Variants in MAP2K5 observed in about 807,000 individuals in gnomAD.
The protein encoded by MAP2K5 is mitogen-activated protein kinase kinase 5, also known as dual specificity mitogen-activated protein kinase kinase 5.
Under a neutral mutation model 83.1 loss-of-function variants are expected in MAP2K5, and 49 were observed. The observed-to-expected ratio is 0.59, with a 90% confidence interval of 0.47 to 0.75. The LOEUF is 0.75. Among genes scored for constraint, MAP2K5 ranks in the 30% least tolerant of loss-of-function variants. The pLI is 0.00. For synonymous variants in MAP2K5, 202 were observed against 191.8 expected, an observed-to-expected ratio of 1.05 and a Z score of -0.44; for missense variants, 457 against 557.5, an observed-to-expected ratio of 0.82 and a Z score of 1.82.
At chr15:67,633,877 A>T (rs956647380) in intron 9 of MAP2K5, among the ~76,000 whole-genome samples, 2 of 152,218 alleles carry the variant, frequency 1.3e-5, no homozygotes, top group Non-Finnish European at 2.9e-5. Context: ...AAACAGGCAG[A>T]ATTTTTAATT....
intron 13 of MAP2K5, among the ~76,000 whole-genome samples, chr15:67,689,211 A>G (rs994001301): frequency 2.0e-5 from 3 of 152,214 alleles, no homozygotes; most frequent in African/African-American, 7.2e-5. Flanking sequence ...GCAACATAGC[A>G]AGACCCTGTC....
rs2140981206 is a variant in MAP2K5, at chr15:67,573,035, G to C, written c.253-7719G>C. ...TTAAAGCAAAATTAGGAATGCTTCT[G>C]TTTTCAAGATATTAGGGTATCAGGA... On this transcript the variant is annotated intron_variant, in intron 3 of 21. Transcript: ENST00000178640. This position sits in a 1 kb window ranked among gnomAD's most constrained non-coding sequence, Gnocchi z 4.2. 6.6e-6 allele frequency among the ~76,000 whole-genome samples: 1 copy of C among 152,256 alleles called. No individual in the cohort carries two copies. Among genetic ancestry groups the C allele is most frequent in the African/African-American group, 2.4e-5 (1 of 41,528 alleles).
intron 13 of MAP2K5, 33 bp from the exon 14 acceptor site, chr15:67,692,446 T>G: frequency 1.3e-6 from 2 of 1,496,614 alleles, no homozygotes; most frequent in Non-Finnish European, 1.9e-6. Context: ...ATACATGGAA[T>G]TAGTTACATG....
chr15:67,574,087 T>G (rs1235491738), intron 3 of MAP2K5, among the ~76,000 whole-genome samples: 1 of 152,206 alleles, frequency 6.6e-6, no homozygotes, highest in Non-Finnish European at 1.5e-5. Context: ...TGGCACGACA[T>G]CCAAGAACCA....
chr15:67,616,186 C>A (rs76424386), intron 8 of MAP2K5, among the ~76,000 whole-genome samples: 3 of 152,138 alleles, frequency 2.0e-5, no homozygotes, highest in African/African-American at 7.2e-5. Context: ...AAATGTCACA[C>A]AGAGCAAAGA....
At chr15:67,670,771 CAGAA>C (rs2087511748) in intron 13 of MAP2K5, among the ~76,000 whole-genome samples, 1 of 151,838 alleles carries the variant, frequency 6.6e-6, no homozygotes, top group African/African-American at 2.4e-5. Context: ...TCTACAATGC[CAGAA>C]AGAGAGAGAC....
chr15:67,703,300 T>G (rs758104310), intron 15 of MAP2K5, 37 bp from the exon 16 acceptor site: 3 of 1,485,268 alleles, frequency 2.0e-6, no homozygotes, highest in Non-Finnish European at 2.8e-6. Context: ...CTGAGTAGCA[T>G]CCGTCCACTC....
Position 67,565,778 on chromosome 15 carries a change from A to G in MAP2K5, c.252+2428A>G, listed in dbSNP as rs11630854. 6.6e-6 allele frequency among the ~76,000 whole-genome samples: 1 copy of G among 151,856 alleles called. No individual in the cohort carries two copies. The highest frequency in any genetic ancestry group is 6.6e-5 in the Admixed American group (1 of 15,236). Reference sequence around the variant, plus strand: ...ATCTATCTCATTGATGAGATAATTTAAAAAAATTTTTTGTAGAGATAGGGT... The same window carrying G: ...ATCTATCTCATTGATGAGATAATTTGAAAAAATTTTTTGTAGAGATAGGGT... On this transcript the variant is annotated intron_variant, in intron 3 of 21. Transcript: ENST00000178640. The surrounding 1 kb of genome is among the most constrained non-coding windows in gnomAD (Gnocchi z 4.1).
chr15:67,665,594 G>A lies in MAP2K5; in HGVS notation c.847+949G>A, dbSNP rs1345093856. On this transcript the variant is annotated intron_variant, in intron 13 of 21. Coordinates refer to ENST00000178640, the MANE Select transcript of MAP2K5 (RefSeq NM_145160.3). The surrounding 1 kb of genome is among the most constrained non-coding windows in gnomAD (Gnocchi z 4.2). ...CTAAGGGTTGTTTTCTTTTGTGGTG[G>A]TTTTAATATCCTAGTGATTCCACAT... Among the ~76,000 whole-genome samples, 1 of 152,132 alleles carries A rather than the reference G, an allele frequency of 6.6e-6. No homozygotes were observed. The highest frequency in any genetic ancestry group is 1.5e-5 in the Non-Finnish European group (1 of 67,998).
intron 13 of MAP2K5, among the ~76,000 whole-genome samples, chr15:67,673,928 A>G (rs911566232): frequency 9.2e-5 from 14 of 152,048 alleles, no homozygotes; most frequent in African/African-American, 3.4e-4. Context: ...GGCTCACTGC[A>G]ACCTCCACCT....
chr15:67,792,230 C>T (rs1378551430), intron 21 of MAP2K5, among the ~76,000 whole-genome samples: 1 of 152,192 alleles, frequency 6.6e-6, no homozygotes, highest in African/African-American at 2.4e-5. Context: ...AAAGACTGGA[C>T]CTTCTGGCTC....
intron 17 of MAP2K5, among the ~76,000 whole-genome samples, chr15:67,745,215 A>G (rs2089578179): frequency 1.3e-5 from 2 of 152,230 alleles, no homozygotes; most frequent in African/African-American, 4.8e-5. Flanking sequence ...GAGGGCTTGG[A>G]CAAGTTAGTT....
At chr15:67,629,076 C>T (rs2086398060) in intron 8 of MAP2K5, 2 of 738,248 alleles carry the variant, frequency 2.7e-6, no homozygotes, top group Non-Finnish European at 5.0e-6. Context: ...ACCATGAAAC[C>T]AAGGTGGCCA....
At chr15:67,631,335 T>A (rs2086468814) in intron 9 of MAP2K5, among the ~76,000 whole-genome samples, 1 of 152,212 alleles carries the variant, frequency 6.6e-6, no homozygotes, top group Admixed American at 6.5e-5. Flanking sequence ...TTCTTTCTAT[T>A]CCCATCCCCA....
At chr15:67,662,106 A>G (rs2087252942) in intron 12 of MAP2K5, among the ~76,000 whole-genome samples, 1 of 152,156 alleles carries the variant, frequency 6.6e-6, no homozygotes, top group African/African-American at 2.4e-5. Flanking sequence ...TTCTCTTAGA[A>G]TAGACAAACA....
rs914738245 is a variant in MAP2K5 at position 67,755,608 on chromosome 15, G to T, written c.1134+7007G>T. On this transcript the variant is annotated intron_variant, in intron 19 of 21. Coordinates refer to ENST00000178640, the MANE Select transcript of MAP2K5 (RefSeq NM_145160.3). This position sits in a 1 kb window ranked among gnomAD's most constrained non-coding sequence, Gnocchi z 4.7. ...CCATGTGAGGCCTCTTGTGAGTCCA[G>T]ATGTTTGGTGGGGTAGATGATTGTC... Among the ~76,000 whole-genome samples the T allele has an allele frequency of 6.6e-6, 1 of 152,180 alleles. No individual in the cohort carries two copies. Among genetic ancestry groups the T allele is most frequent in the African/African-American group, 2.4e-5 (1 of 41,432 alleles).
intron 16 of MAP2K5, among the ~76,000 whole-genome samples, chr15:67,723,351 G>A (rs2089012578): frequency 6.6e-6 from 1 of 152,098 alleles, no homozygotes; most frequent in African/African-American, 2.4e-5. Context: ...TAACTGAAGA[G>A]CATTTTATAG....
At chr15:67,664,344 A>AAG (rs1460925498) in intron 12 of MAP2K5, among the ~76,000 whole-genome samples, 1 of 150,064 alleles carries the variant, frequency 6.7e-6, no homozygotes, top group East Asian at 2.0e-4. Context: ...AAAAAAAAAA[A>AAG]AAAAAAAAAA....
At chr15:67,570,923 T>C (rs2084935858) in intron 3 of MAP2K5, among the ~76,000 whole-genome samples, 1 of 152,190 alleles carries the variant, frequency 6.6e-6, no homozygotes, top group Admixed American at 6.5e-5. Context: ...ACCAATTATG[T>C]TGTCTGTTAG....
Sources: gnomAD v4.1 joint callset for allele counts (sites outside exome capture counted in the v4.1 genomes callset) on GRCh38, gnomAD v4.1.1 for gene constraint, Gnocchi (gnomAD v3.1) non-coding constraint, MANE v1.5 for transcripts, NCBI Gene and HGNC (gene_info 2026-07-23, HGNC 2026-07-21) for gene names.